The following TBC1D12 variants were observed in gnomAD, a reference collection of about 807,000 sequenced individuals.
The protein encoded by TBC1D12 is TBC1 domain family, member 12.
In TBC1D12, 56 loss-of-function variants were observed where a neutral mutation model predicts 86.7. That is an observed-to-expected ratio of 0.65 (90% CI 0.52 to 0.81). The LOEUF is 0.81. Ranked by LOEUF, TBC1D12 falls within the 30% of genes least tolerant of loss-of-function variation. The pLI is 0.00. For missense variants in TBC1D12, 1,023 were observed against 1,038.8 expected, an observed-to-expected ratio of 0.98 and a Z score of 0.21; for synonymous variants, 421 against 411.7, an observed-to-expected ratio of 1.02 and a Z score of -0.27.
chr10:94,526,197 T>C (rs1301521723), intron 11 of TBC1D12, among the ~76,000 whole-genome samples: 1 of 152,116 alleles, frequency 6.6e-6, no homozygotes, highest in Non-Finnish European at 1.5e-5. Context: ...TTTGGGAGGC[T>C]GCAGCAGGCT....
intron 3 of TBC1D12, among the ~76,000 whole-genome samples, chr10:94,481,372 G>A (rs1369962579): frequency 1.3e-5 from 2 of 151,430 alleles, no homozygotes; most frequent in African/African-American, 4.8e-5. Context: ...GTTGTTTAGA[G>A]TAGCCACCTT....
intron 1 of TBC1D12, among the ~76,000 whole-genome samples, chr10:94,413,116 G>C (rs2054948341): frequency 1.3e-5 from 2 of 152,166 alleles, no homozygotes; most frequent in South Asian, 4.1e-4. Context: ...TTGCTTTACT[G>C]ATTTAAAATT....
chr10:94,517,252 C>A (rs933554116), intron 9 of TBC1D12, among the ~76,000 whole-genome samples: 5 of 152,188 alleles, frequency 3.3e-5, no homozygotes, highest in African/African-American at 9.6e-5. Flanking sequence ...GAGGCGCATG[C>A]CTGTAATCCC....
At chr10:94,456,044 T>C (rs900620867) in intron 2 of TBC1D12, among the ~76,000 whole-genome samples, 9 of 152,212 alleles carry the variant, frequency 5.9e-5, no homozygotes, top group Non-Finnish European at 1.2e-4. Flanking sequence ...ATTTCTGATA[T>C]TAGTAATTTG....
intron 3 of TBC1D12, among the ~76,000 whole-genome samples, chr10:94,485,585 G>A (rs1285260963): frequency 2.1e-5 from 3 of 143,120 alleles, no homozygotes; most frequent in Non-Finnish European, 3.0e-5. Context: ...TCTTGTTTGA[G>A]TATCAAGGTA....
chr10:94,403,986 TG>T (rs544468256), intron 1 of TBC1D12, among the ~76,000 whole-genome samples: 57 of 151,778 alleles, frequency 3.8e-4, no homozygotes, highest in Non-Finnish European at 6.6e-4. Flanking sequence ...TTTAGGTTGT[TG>T]GGGGGGTGGT....
chr10:94,463,387 G>A (rs1300061615), intron 2 of TBC1D12, among the ~76,000 whole-genome samples: 6 of 152,164 alleles, frequency 3.9e-5, no homozygotes, highest in African/African-American at 1.4e-4. Context: ...GAGTCCCAGG[G>A]CAATGCAGGG....
At chr10:94,447,619 A>G in intron 2 of TBC1D12, 2 of 985,208 alleles carry the variant, frequency 2.0e-6, no homozygotes, top group Non-Finnish European at 2.4e-6. Flanking sequence ...GGATTATCAC[A>G]TGTGTTCTCT....
intron 2 of TBC1D12, among the ~76,000 whole-genome samples, chr10:94,468,467 A>G (rs1444839929): frequency 6.6e-6 from 1 of 152,072 alleles, no homozygotes; most frequent in Non-Finnish European, 1.5e-5. Flanking sequence ...AAGTTAATAG[A>G]TGTTCCCTCT....
rs758822238 is a variant in TBC1D12 at position 94,474,743 on chromosome 10, C to T, written c.1171C>T (p.Pro391Ser). ...SSRRKNFEFE[P>S]LSTTALILED... The stretch of plus-strand genomic sequence containing the variant: ...AAGACGCAAGAATTTTGAATTTGAG[C>T]CGCTTTCTACCACTGCCTTGATTCT... The change falls in exon 3 of 13, where the codon CCG (proline) becomes TCG (serine). Residue 391 changes from proline to serine, a missense_variant. Pro to Ser is a moderately conservative substitution (Grantham distance 74, BLOSUM62 -1). Around this residue, in one of 2 missense-constraint regions of TBC1D12, gnomAD observed 395 missense variants for 507.7 expected, o/e 0.78. Transcript: ENST00000225235. The T allele has an allele frequency of 1.2e-6, 2 of 1,614,068 alleles. No individual in the cohort carries two copies. The highest frequency in any genetic ancestry group is 1.7e-6 in the Non-Finnish European group (2 of 1,180,010).
intron 2 of TBC1D12, among the ~76,000 whole-genome samples, chr10:94,443,250 T>A (rs2055407043): frequency 6.6e-6 from 1 of 152,234 alleles, no homozygotes. Context: ...AGGATTTGCC[T>A]GAACTATGTA....
chr10:94,435,494 G>C (rs1421163507), intron 1 of TBC1D12, among the ~76,000 whole-genome samples: 1 of 152,016 alleles, frequency 6.6e-6, no homozygotes, highest in Non-Finnish European at 1.5e-5. Context: ...GATCTCATTT[G>C]CCATTTGTTT....
At chr10:94,436,364 G>C (rs2055297186) in intron 1 of TBC1D12, among the ~76,000 whole-genome samples, 1 of 151,972 alleles carries the variant, frequency 6.6e-6, no homozygotes, top group Non-Finnish European at 1.5e-5. Flanking sequence ...TCGATCTCTT[G>C]ACCTCATGAT....
At chr10:94,450,642 C>T (rs1465902084) in intron 2 of TBC1D12, among the ~76,000 whole-genome samples, 3 of 151,980 alleles carry the variant, frequency 2.0e-5, no homozygotes, top group Admixed American at 2.0e-4. Context: ...CAGTAACGAT[C>T]GAGCAATCCC....
intron 1 of TBC1D12, among the ~76,000 whole-genome samples, chr10:94,419,612 T>G (rs2055048112): frequency 6.6e-6 from 1 of 151,984 alleles, no homozygotes; most frequent in African/African-American, 2.4e-5. Context: ...GAAGTTGCAG[T>G]GAGCCGAGAT....
In TBC1D12 at chr10:94,478,426, A is replaced by C. The variant is rs567622861; in HGVS notation, c.1211+3643A>C. On this transcript the variant is annotated intron_variant, in intron 3 of 12. Coordinates refer to ENST00000225235, the MANE Select transcript of TBC1D12 (RefSeq NM_015188.2). Reference sequence around the variant, plus strand: ...GGATTTGTAGTTAAACTGGAAATGTAGGCCAGGCGTGGTGGCTCAGTCCTG... The same window carrying C: ...GGATTTGTAGTTAAACTGGAAATGTCGGCCAGGCGTGGTGGCTCAGTCCTG... 3.3e-5 allele frequency among the ~76,000 whole-genome samples: 5 copies of C among 151,974 alleles called. No individual in the cohort carries two copies. In the East Asian group the frequency reaches 7.8e-4, roughly 24 times the overall value.
chr10:94,481,858 T>C (rs1268199507), intron 3 of TBC1D12, among the ~76,000 whole-genome samples: 1 of 152,106 alleles, frequency 6.6e-6, no homozygotes, highest in Non-Finnish European at 1.5e-5. Flanking sequence ...ATGGGATAAA[T>C]GAGATACTTT....
chr10:94,404,709 G>A (rs1417248224), intron 1 of TBC1D12, among the ~76,000 whole-genome samples: 1 of 151,558 alleles, frequency 6.6e-6, no homozygotes, highest in Non-Finnish European at 1.5e-5. Context: ...GCAGATTTCA[G>A]GATGGAGGTT....
chr10:94,516,816 T>C (rs1842004947), intron 9 of TBC1D12, among the ~76,000 whole-genome samples: 1 of 152,134 alleles, frequency 6.6e-6, no homozygotes, highest in Admixed American at 6.5e-5. Flanking sequence ...TCATTAGAAT[T>C]GTTCACTTTC....
Sources: allele counts gnomAD v4.1 joint callset (sites outside exome capture counted in the v4.1 genomes callset), GRCh38; gene constraint gnomAD v4.1.1; regional missense constraint gnomAD v4.1.1; transcripts MANE v1.5; gene names NCBI Gene and HGNC (gene_info 2026-07-23, HGNC 2026-07-21).